PDE10A: variants seen among roughly 807,000 people sequenced by gnomAD.
PDE10A encodes the protein phosphodiesterase 10A.
PDE10A carries 39 observed loss-of-function variants against 97.7 expected under a neutral mutation model. The ratio of observed to expected loss-of-function variants is 0.40; its 90% CI spans 0.31 to 0.52. The LOEUF is 0.52. PDE10A is among the 20% of genes least tolerant of loss of function. PDE10A has a pLI of 0.56. For missense variants in PDE10A, 731 were observed against 1,047.8 expected (o/e 0.70, Z 4.17); for synonymous variants, 371 against 376.8 (o/e 0.98, Z 0.18).
intron 1 of PDE10A, among the ~76,000 whole-genome samples, chr6:165,674,592 G>A (rs1463117926): frequency 6.6e-6 from 1 of 152,134 alleles, no homozygotes; most frequent in Non-Finnish European, 1.5e-5. Flanking sequence ...ATGAGAAAAC[G>A]TAAAATGGCT....
intron 19 of PDE10A, among the ~76,000 whole-genome samples, chr6:165,340,672 C>T (rs1166212960): frequency 6.6e-6 from 1 of 152,234 alleles, no homozygotes; most frequent in African/African-American, 2.4e-5. Flanking sequence ...GTGCTACAGA[C>T]CATGGCTCTA....
At chr6:165,752,798 C>T (rs570744697) in intron 1 of PDE10A, among the ~76,000 whole-genome samples, 60 of 152,186 alleles carry the variant, frequency 3.9e-4, no homozygotes, top group Admixed American at 2.1e-3. Flanking sequence ...AGGGAGGCTG[C>T]GAAGAAGGAA....
At chr6:165,653,887 C>T (rs1479543357) in intron 1 of PDE10A, among the ~76,000 whole-genome samples, 3 of 152,142 alleles carry the variant, frequency 2.0e-5, no homozygotes, top group Non-Finnish European at 2.9e-5. Context: ...TTCTCCTCTG[C>T]ACAAAGCCCC....
chr6:165,646,952 T>G (rs1039353156), intron 1 of PDE10A, among the ~76,000 whole-genome samples: 1 of 152,198 alleles, frequency 6.6e-6, no homozygotes, highest in African/African-American at 2.4e-5. Flanking sequence ...GATAAAGCCT[T>G]GATAGCTTTG....
chr6:165,573,430 T>C (rs1785148909), intron 1 of PDE10A, among the ~76,000 whole-genome samples: 1 of 152,202 alleles, frequency 6.6e-6, no homozygotes, highest in Admixed American at 6.5e-5. Context: ...TTGTTAGGCA[T>C]TAAATGTTAC....
intron 13 of PDE10A, among the ~76,000 whole-genome samples, chr6:165,402,570 A>G (rs1323110487): frequency 6.6e-6 from 1 of 152,158 alleles, no homozygotes; most frequent in African/African-American, 2.4e-5. Context: ...ATAATCTTGG[A>G]GTCACTGTCC....
chr6:165,477,796 T>C (rs548409256), intron 3 of PDE10A, among the ~76,000 whole-genome samples: 3 of 152,346 alleles, frequency 2.0e-5, no homozygotes, highest in Non-Finnish European at 4.4e-5. Context: ...GATCAAAAGA[T>C]GGAATGAAGG....
At chr6:165,795,655 G>T (rs896865639) in intron 1 of PDE10A, among the ~76,000 whole-genome samples, 2 of 152,156 alleles carry the variant, frequency 1.3e-5, no homozygotes, top group Non-Finnish European at 2.9e-5. Flanking sequence ...GGGAGGCTGA[G>T]GCAGAAGAAT....
At chr6:165,773,885 G>A (rs925103169) in intron 1 of PDE10A, among the ~76,000 whole-genome samples, 7 of 151,902 alleles carry the variant, frequency 4.6e-5, no homozygotes, top group Non-Finnish European at 1.0e-4. Flanking sequence ...CCTGAAAATC[G>A]TAAAAGTAAC....
chr6:165,364,087 G>A (rs536424967), intron 18 of PDE10A, among the ~76,000 whole-genome samples: 31 of 152,292 alleles, frequency 2.0e-4, no homozygotes, highest in African/African-American at 7.2e-4. Flanking sequence ...GGAAGGATCA[G>A]TAACAGAAAA....
chr6:165,435,196 T>G (rs2128240057), intron 6 of PDE10A, 41 bp downstream of exon 6: 1 of 1,537,872 alleles, frequency 6.5e-7, no homozygotes, highest in East Asian at 2.3e-5. Flanking sequence ...AATTAAATAC[T>G]TTAGGTCAAA....
intron 2 of PDE10A, among the ~76,000 whole-genome samples, chr6:165,490,865 G>A (rs1057278986): frequency 6.6e-6 from 1 of 152,166 alleles, no homozygotes; most frequent in African/African-American, 2.4e-5. Flanking sequence ...TGAGGCATAA[G>A]AATTCCTTGA....
At chr6:165,709,712 TC>T (rs11434954) in intron 1 of PDE10A, among the ~76,000 whole-genome samples, 1 of 86,814 alleles carries the variant, frequency 1.2e-5, no homozygotes, top group Non-Finnish European at 2.2e-5. Flanking sequence ...TGCGGCACTG[TC>T]CCCCCACTCT....
rs1339495451 is a variant in PDE10A, at chr6:165,662,443, G to GGGGGGCGGC, written c.360_368dup (p.Pro125_Pro127dup). 1 of 150,278 alleles carries GGGGGGCGGC rather than the reference G, an allele frequency of 6.7e-6. No homozygotes were observed. The highest frequency in any genetic ancestry group is 1.5e-5 in the Non-Finnish European group (1 of 67,388). The allele number at this position is 150,278 out of a possible 1,614,324, so 9.3% of individuals were successfully genotyped here. A position where few individuals can be genotyped will look rare whatever the true frequency, so the allele number is the denominator to read the frequency against. On this transcript the variant is annotated inframe_insertion, in exon 1 of 22. Coordinates refer to ENST00000539869, the MANE Select transcript of PDE10A (RefSeq NM_001385079.1). Reference sequence around the variant, plus strand: ...AGGGGAGAAAAGAGGGAGGGGGCGGGGGGGGCGGCGGCCAGAAGTAAAAGA... The same window carrying GGGGGGCGGC: ...AGGGGAGAAAAGAGGGAGGGGGCGGGGGGGGCGGCGGGGGCGGCGGCCAGAAGTAAAAGA...
At chr6:165,542,871 G>C (rs1454527983) in intron 2 of PDE10A, among the ~76,000 whole-genome samples, 1 of 152,040 alleles carries the variant, frequency 6.6e-6, no homozygotes, top group Non-Finnish European at 1.5e-5. Context: ...GCCCGCCTCA[G>C]CCTCCCAAAG....
At chr6:165,509,171 T>C (rs537243883) in intron 2 of PDE10A, among the ~76,000 whole-genome samples, 1 of 152,152 alleles carries the variant, frequency 6.6e-6, no homozygotes, top group South Asian at 2.1e-4. Flanking sequence ...ATTTATGAGG[T>C]ATATATAAGT....
chr6:165,983,599 T>C (rs1785086136), intron 1 of PDE10A, among the ~76,000 whole-genome samples: 1 of 152,202 alleles, frequency 6.6e-6, no homozygotes, highest in Admixed American at 6.5e-5. Context: ...TCGCCTTCAT[T>C]TCATACATGC....
intron 1 of PDE10A, among the ~76,000 whole-genome samples, chr6:165,564,523 G>T (rs1213511605): frequency 1.3e-5 from 2 of 152,114 alleles, no homozygotes; most frequent in Admixed American, 1.3e-4. Flanking sequence ...TATCACCTAT[G>T]GCCACCTGCC....
chr6:165,965,443 G>A (rs867082957), intron 1 of PDE10A, among the ~76,000 whole-genome samples: 12 of 152,132 alleles, frequency 7.9e-5, no homozygotes, highest in African/African-American at 2.7e-4. Context: ...ACGGGAATAC[G>A]GAGCTGAGGA....
Sources: allele counts gnomAD v4.1 joint callset (sites outside exome capture counted in the v4.1 genomes callset), GRCh38; gene constraint gnomAD v4.1.1; transcripts MANE v1.5; gene names NCBI Gene and HGNC (gene_info 2026-07-23, HGNC 2026-07-21).